WWOX: variants seen among roughly 807,000 people sequenced by gnomAD.
WWOX encodes the protein WW domain containing oxidoreductase.
In WWOX, 69 loss-of-function variants were observed where a neutral mutation model predicts 46.2. That is an observed-to-expected ratio of 1.49 (90% CI 1.23 to 1.82). The LOEUF (loss-of-function observed/expected upper bound fraction) is 1.82. WWOX is among the 40% of genes most tolerant of loss of function. WWOX has a pLI of 0.00. For missense variants in WWOX, 919 were observed against 542.6 expected (o/e 1.69, Z -6.89); for synonymous variants, 359 against 202.6 (o/e 1.77, Z -6.56).
At chr16:79,075,394 C>T (rs184403940) in intron 8 of WWOX, among the ~76,000 whole-genome samples, 2 of 152,172 alleles carry the variant, frequency 1.3e-5, no homozygotes, top group African/African-American at 4.8e-5. Flanking sequence ...TAGGACTTTT[C>T]AGTACTTCCT....
chr16:78,130,698 G>A (rs1358950327), intron 4 of WWOX, among the ~76,000 whole-genome samples: 2 of 152,188 alleles, frequency 1.3e-5, no homozygotes, highest in African/African-American at 2.4e-5. Flanking sequence ...GGACTCACTG[G>A]CTCATAGCCA....
intron 8 of WWOX, among the ~76,000 whole-genome samples, chr16:78,938,694 C>G (rs1028480956): frequency 6.6e-6 from 1 of 152,048 alleles, no homozygotes; most frequent in African/African-American, 2.4e-5. Flanking sequence ...TGAAGGCAGA[C>G]TAAGTGTCTT....
intron 8 of WWOX, among the ~76,000 whole-genome samples, chr16:78,700,990 T>C (rs933984298): frequency 6.6e-6 from 1 of 152,132 alleles, no homozygotes; most frequent in African/African-American, 2.4e-5. Flanking sequence ...TACAATGTCC[T>C]GGAGCTAGGC....
At chr16:78,281,090 G>T (rs1597440633) in intron 5 of WWOX, 1 of 152,184 alleles carries the variant, frequency 6.6e-6, no homozygotes, top group Non-Finnish European at 1.5e-5. Context: ...ATATGCTAGA[G>T]TGATGTGAAA....
chr16:78,104,392 A>G (rs1275557412), intron 1 of WWOX, among the ~76,000 whole-genome samples: 2 of 152,040 alleles, frequency 1.3e-5, no homozygotes, highest in African/African-American at 4.8e-5. Flanking sequence ...TAGGCTGGCC[A>G]TGGTGGGAGG....
At chr16:78,864,745 C>G (rs1349973670) in intron 8 of WWOX, among the ~76,000 whole-genome samples, 1 of 134,332 alleles carries the variant, frequency 7.4e-6, no homozygotes, top group Admixed American at 7.6e-5. Context: ...GGCTATTTTT[C>G]TCCAACTCCT....
chr16:78,608,244 T>C (rs536309011), intron 8 of WWOX, among the ~76,000 whole-genome samples: 193 of 152,208 alleles, frequency 1.3e-3, no homozygotes, highest in African/African-American at 4.4e-3. Context: ...GAAAATACAC[T>C]CAGGACCAGG....
At chr16:79,118,187 G>C (rs1597390596) in intron 8 of WWOX, among the ~76,000 whole-genome samples, 3 of 152,190 alleles carry the variant, frequency 2.0e-5, no homozygotes, top group African/African-American at 7.2e-5. Flanking sequence ...AGCCATTGAA[G>C]GGTTGTAAGT....
At chr16:78,519,840 GA>G (rs2043311494) in intron 8 of WWOX, among the ~76,000 whole-genome samples, 1 of 152,058 alleles carries the variant, frequency 6.6e-6, no homozygotes. Flanking sequence ...CCAGCCCCCA[GA>G]ACTGTGAGAA....
intron 8 of WWOX, among the ~76,000 whole-genome samples, chr16:79,030,630 C>A (rs372652487): frequency 6.6e-6 from 1 of 152,196 alleles, no homozygotes; most frequent in African/African-American, 2.4e-5. Context: ...CCCTTGTTTT[C>A]GTTCAACCTT....
chr16:78,810,174 A>G (rs2051149031), intron 8 of WWOX, among the ~76,000 whole-genome samples: 1 of 152,200 alleles, frequency 6.6e-6, no homozygotes, highest in African/African-American at 2.4e-5. Context: ...CTTCAGAGTG[A>G]CGGGTACCCC....
At chr16:78,153,585 T>A (rs748598859) in intron 4 of WWOX, among the ~76,000 whole-genome samples, 2 of 152,056 alleles carry the variant, frequency 1.3e-5, no homozygotes, top group African/African-American at 2.4e-5. Context: ...TAAAGATCGT[T>A]TTAGTGCTAT....
At chr16:78,245,447 C>T (rs1292606994) in intron 5 of WWOX, among the ~76,000 whole-genome samples, 1 of 152,172 alleles carries the variant, frequency 6.6e-6, no homozygotes, top group East Asian at 1.9e-4. Flanking sequence ...TTGAGAAGTC[C>T]TGATACATAT....
At chr16:78,814,723 G>A (rs2051286064) in intron 8 of WWOX, among the ~76,000 whole-genome samples, 1 of 152,232 alleles carries the variant, frequency 6.6e-6, no homozygotes, top group Admixed American at 6.5e-5. Context: ...AAAAAGTTCT[G>A]CCTTCATGTA....
chr16:78,436,377 C>G (rs1455813811), intron 8 of WWOX, among the ~76,000 whole-genome samples: 1 of 152,078 alleles, frequency 6.6e-6, no homozygotes, highest in Non-Finnish European at 1.5e-5. Flanking sequence ...GTGAGGAAGC[C>G]GTAGGGTGTG....
At chr16:78,599,106 C>A (rs984535990) in intron 8 of WWOX, among the ~76,000 whole-genome samples, 1 of 152,156 alleles carries the variant, frequency 6.6e-6, no homozygotes, top group Non-Finnish European at 1.5e-5. Flanking sequence ...TGAATGCCAG[C>A]TCAAGCTGCT....
chr16:79,011,507 T>TTTATTTATTTA (rs1567482731), intron 8 of WWOX, among the ~76,000 whole-genome samples: 3 of 114,592 alleles, frequency 2.6e-5, no homozygotes, highest in African/African-American at 1.1e-4. Context: ...TTATTTATTT[T>TTTATTTATTTA]TTGAGACAGG....
intron 8 of WWOX, among the ~76,000 whole-genome samples, chr16:78,467,974 T>G (rs1280907141): frequency 1.3e-5 from 2 of 152,276 alleles, no homozygotes; most frequent in Admixed American, 1.3e-4. Flanking sequence ...TGTTGACAAA[T>G]GGGCAATCTT....
At chr16:78,813,331 C>T (rs145805027) in intron 8 of WWOX, among the ~76,000 whole-genome samples, 1,892 of 151,960 alleles carry the variant, frequency 0.012, 16 homozygotes, top group South Asian at 0.019. Context: ...AAAAAAAACA[C>T]TCAGAAATTT....
Sources: gnomAD v4.1 joint callset for allele counts (sites outside exome capture counted in the v4.1 genomes callset) on GRCh38, gnomAD v4.1.1 for gene constraint, MANE v1.5 for transcripts, NCBI Gene and HGNC (gene_info 2026-07-23, HGNC 2026-07-21) for gene names.